The following CNNM1 variants were observed in gnomAD, a reference collection of about 807,000 sequenced individuals.
The protein encoded by CNNM1 is metal transporter CNNM1.
In CNNM1, 44 loss-of-function variants were observed where a neutral mutation model predicts 78.8. The observed-to-expected ratio is 0.56, with a 90% CI of 0.44 to 0.72. CNNM1 has a LOEUF of 0.72. Among genes scored for constraint, CNNM1 ranks in the 30% least tolerant of loss-of-function variants. The probability of loss-of-function intolerance (pLI) is 0.00; values close to 1 mark genes in which losing one functional copy is unlikely to be tolerated. For missense variants in CNNM1, 1,101 were observed against 1,292.2 expected (o/e 0.85, Z 2.27); for synonymous variants, 584 against 581.5 (o/e 1.00, Z -0.06).
chr10:99,365,514 G>A (rs531613502), intron 6 of CNNM1, among the ~76,000 whole-genome samples: 29 of 152,336 alleles, frequency 1.9e-4, no homozygotes, highest in African/African-American at 6.7e-4. Context: ...TCAGCTAGTG[G>A]AGAGGTATCT....
intron 6 of CNNM1, chr10:99,368,465 G>GT: frequency 2.7e-6 from 1 of 374,212 alleles, no homozygotes. Flanking sequence ...TGATTCCTGT[G>GT]TTTTCAGAGT....
intron 5 of CNNM1, 127 bp downstream of exon 5, chr10:99,364,643 G>A (rs912741173): frequency 1.3e-6 from 1 of 753,422 alleles, no homozygotes; most frequent in Non-Finnish European, 2.1e-6. Flanking sequence ...AACTTCCTTG[G>A]CTTTAGTTCC....
intron 1 of CNNM1, among the ~76,000 whole-genome samples, chr10:99,333,695 A>G (rs2030035580): frequency 6.6e-6 from 1 of 152,218 alleles, no homozygotes; most frequent in South Asian, 2.1e-4. Flanking sequence ...CAAGGGAGAC[A>G]GGAAGACTGT....
chr10:99,337,682 C>G (rs1052848850), intron 1 of CNNM1, among the ~76,000 whole-genome samples: 52 of 152,160 alleles, frequency 3.4e-4, no homozygotes, highest in African/African-American at 1.3e-3. Flanking sequence ...TAAGTGCCTC[C>G]CACCCATATA....
At chr10:99,346,166 C>T (rs2030688004) in intron 1 of CNNM1, among the ~76,000 whole-genome samples, 1 of 152,142 alleles carries the variant, frequency 6.6e-6, no homozygotes, top group African/African-American at 2.4e-5. Context: ...TGGGGAGTAA[C>T]CTCACAAATG....
intron 6 of CNNM1, among the ~76,000 whole-genome samples, chr10:99,375,930 T>C (rs966292443): frequency 2.0e-5 from 3 of 152,196 alleles, no homozygotes; most frequent in Non-Finnish European, 4.4e-5. Context: ...CTGTTTTCTG[T>C]TGTTCCTGGA....
chr10:99,365,032 C>T (rs773347394), intron 6 of CNNM1, 30 bp downstream of exon 6: 3 of 1,613,010 alleles, frequency 1.9e-6, no homozygotes, highest in Non-Finnish European at 2.5e-6. Flanking sequence ...CTTCCTCGTC[C>T]TCCCCATCGT....
intron 1 of CNNM1, among the ~76,000 whole-genome samples, chr10:99,333,141 C>T (rs2029996784): frequency 6.6e-6 from 1 of 152,148 alleles, no homozygotes; most frequent in Non-Finnish European, 1.5e-5. Flanking sequence ...CTGGTGTCTC[C>T]TTGTGTGTCC....
chr10:99,379,852 G>T (rs745882635), intron 7 of CNNM1, among the ~76,000 whole-genome samples: 1 of 152,082 alleles, frequency 6.6e-6, no homozygotes, highest in Non-Finnish European at 1.5e-5. Context: ...ACCATAGACT[G>T]TGTGGCTTAA....
In CNNM1 at chr10:99,330,701, C is replaced by G. The variant is rs895117530; in HGVS notation, c.1314C>G (p.Asp438Glu). The G allele has an allele frequency of 1.2e-6, 2 of 1,613,904 alleles. No individual in the cohort carries two copies. Residue 438 changes from aspartate to glutamate, a missense_variant, in exon 1 of 11, where the codon GAC becomes GAG. Physicochemically the swap from Asp to Glu is conservative, Grantham distance 45 (BLOSUM62 2). Around this residue, in one of 3 missense-constraint regions of CNNM1, gnomAD observed 277 missense variants for 423.2 expected, o/e 0.65. Transcript: ENST00000356713. Reference protein sequence around the residue: ...VVEEVLTPLGDCFMLRSDAVL... With the variant: ...VVEEVLTPLGECFMLRSDAVL... Reference sequence around the variant, plus strand: ...AGGAGGTGCTGACCCCCCTGGGAGACTGCTTCATGCTGCGCTCAGACGCGG... The same window carrying G: ...AGGAGGTGCTGACCCCCCTGGGAGAGTGCTTCATGCTGCGCTCAGACGCGG...
Position 99,393,877 on chromosome 10 carries a change from T to A in CNNM1, c.*2361T>A, listed in dbSNP as rs1361921081. ...TATTGACTTCACCACACCCCTTGCC[T>A]GGCCTGGCCTGAGGCTCAGCAGTGC... On this transcript the variant is annotated 3_prime_UTR_variant, in exon 11 of 11. Transcript: ENST00000356713. 4.6e-5 allele frequency: 7 copies of A among 152,312 alleles called. No individual in the cohort carries two copies. The allele number at this position is 152,312 out of a possible 1,614,324, so 9.4% of individuals were successfully genotyped here.
At chr10:99,367,517 C>CT (rs1327580984) in intron 6 of CNNM1, among the ~76,000 whole-genome samples, 1 of 152,064 alleles carries the variant, frequency 6.6e-6, no homozygotes. Flanking sequence ...GGTCTCCTGT[C>CT]TGTTTGGTGT....
At chr10:99,356,627 A>AAAAGAAAG (rs528248354) in intron 1 of CNNM1, among the ~76,000 whole-genome samples, 3 of 137,018 alleles carry the variant, frequency 2.2e-5, no homozygotes, top group Admixed American at 7.3e-5. Context: ...GAAAGAAAAG[A>AAAAGAAAG]AAAGAAAGAA....
chr10:99,368,676 C>T, intron 6 of CNNM1: 2 of 1,289,718 alleles, frequency 1.6e-6, no homozygotes, highest in South Asian at 2.5e-5. Context: ...TGGCAGGCTC[C>T]CCAGGTAAAC....
chr10:99,365,501 C>T (rs1287193105), intron 6 of CNNM1, among the ~76,000 whole-genome samples: 6 of 152,200 alleles, frequency 3.9e-5, no homozygotes. Context: ...GGTTCTCCAC[C>T]TCTCAGCTAG....
At position 99,329,680 on chromosome 10, in the gene CNNM1, G is replaced by C. The variant is rs745978208; in HGVS notation, c.293G>C (p.Gly98Ala). The C allele has an allele frequency of 3.2e-6, 5 of 1,556,186 alleles. No individual in the cohort carries two copies. In the South Asian group the frequency reaches 5.8e-5, roughly 18 times the overall value. ...PSPTLNSGEN[G>A]TGDWAPRLVF... ...CCGACCCTCAACTCGGGGGAGAATGGCACCGGCGACTGGGCTCCGCGGCTC... is the reference window on the plus strand; with the variant it reads ...CCGACCCTCAACTCGGGGGAGAATGCCACCGGCGACTGGGCTCCGCGGCTC... The change falls in exon 1 of 11, where the codon GGC (glycine) becomes GCC (alanine). Residue 98 changes from glycine (G) to alanine (A), a missense_variant. Coordinates refer to ENST00000356713, the MANE Select transcript of CNNM1 (RefSeq NM_020348.3).
At chr10:99,388,432 CACAG>C in intron 9 of CNNM1, 131 bp downstream of exon 9, 3 of 1,003,056 alleles carry the variant, frequency 3.0e-6, no homozygotes, top group Non-Finnish European at 4.3e-6. Context: ...GACCTCCTTA[CACAG>C]CCAGGGAAAG....
At chr10:99,331,405 T>A (rs1029377209) in intron 1 of CNNM1, among the ~76,000 whole-genome samples, 2 of 152,226 alleles carry the variant, frequency 1.3e-5, no homozygotes, top group African/African-American at 4.8e-5. Flanking sequence ...ATTCCATTGC[T>A]GGACAGCTCC....
At chr10:99,381,399 ACT>A (rs1370978016) in intron 7 of CNNM1, among the ~76,000 whole-genome samples, 1 of 116,500 alleles carries the variant, frequency 8.6e-6, no homozygotes, top group African/African-American at 3.5e-5. Flanking sequence ...CAAGAGTGAG[ACT>A]CTGTCTTCAA....
Sources: allele counts gnomAD v4.1 joint callset (sites outside exome capture counted in the v4.1 genomes callset), GRCh38; gene constraint gnomAD v4.1.1; regional missense constraint gnomAD v4.1.1; transcripts MANE v1.5; gene names NCBI Gene and HGNC (gene_info 2026-07-23, HGNC 2026-07-21).